The following CNTNAP2 variants were observed in gnomAD, a reference collection of about 807,000 sequenced individuals.
CNTNAP2 encodes contactin associated protein 2.
CNTNAP2 carries 98 observed loss-of-function variants against 155.2 expected under a neutral mutation model. The observed-to-expected ratio is 0.63, with a 90% CI of 0.54 to 0.75. CNTNAP2 has a LOEUF of 0.75. CNTNAP2 is among the 30% of genes least tolerant of loss of function. The pLI is 0.00. For synonymous variants in CNTNAP2, 651 were observed against 631.2 expected (o/e 1.03, Z -0.47); for missense variants, 1,727 against 1,688.1 (o/e 1.02, Z -0.40).
At chr7:147,144,366 G>A (rs564866663) in intron 8 of CNTNAP2, among the ~76,000 whole-genome samples, 10 of 152,192 alleles carry the variant, frequency 6.6e-5, no homozygotes, top group Middle Eastern at 3.4e-3. Context: ...TTGGGTTCAC[G>A]TAAGACCATA....
intron 1 of CNTNAP2, among the ~76,000 whole-genome samples, chr7:146,735,534 A>G (rs1175456680): frequency 6.6e-6 from 1 of 152,092 alleles, no homozygotes; most frequent in Admixed American, 6.6e-5. Flanking sequence ...CAGCCTGGGC[A>G]ACAGAGCAAG....
chr7:146,395,825 A>ATAGT (rs1563068417), intron 1 of CNTNAP2, among the ~76,000 whole-genome samples: 2 of 134,234 alleles, frequency 1.5e-5, no homozygotes, highest in Admixed American at 7.2e-5. Flanking sequence ...AGATAGATAG[A>ATAGT]GGAGAGAGAG....
chr7:146,848,849 T>C (rs1227155622), intron 3 of CNTNAP2, among the ~76,000 whole-genome samples: 1 of 152,222 alleles, frequency 6.6e-6, no homozygotes, highest in Non-Finnish European at 1.5e-5. Flanking sequence ...TTCAGCTCAT[T>C]GCAACCTCTG....
chr7:147,696,921 T>G (rs1796169160), intron 13 of CNTNAP2, among the ~76,000 whole-genome samples: 2 of 152,172 alleles, frequency 1.3e-5, no homozygotes, highest in Admixed American at 1.3e-4. Context: ...TATTTCAAAA[T>G]TTTTTCTTTA....
intron 12 of CNTNAP2, among the ~76,000 whole-genome samples, chr7:147,606,411 G>A (rs1193269123): frequency 3.9e-5 from 6 of 152,104 alleles, no homozygotes; most frequent in African/African-American, 9.7e-5. Flanking sequence ...TTTTAATTCC[G>A]AAATCAGAGA....
At chr7:146,170,021 T>TC (rs1422965362) in intron 1 of CNTNAP2, among the ~76,000 whole-genome samples, 4 of 147,574 alleles carry the variant, frequency 2.7e-5, no homozygotes, top group South Asian at 2.1e-4. Flanking sequence ...TTCTTTTCTT[T>TC]TTTTTTTTTT....
chr7:147,549,057 C>G (rs977765062), intron 11 of CNTNAP2, among the ~76,000 whole-genome samples: 1 of 152,058 alleles, frequency 6.6e-6, no homozygotes, highest in Non-Finnish European at 1.5e-5. Context: ...CACCTTTGTT[C>G]TTTTTACTTA....
intron 13 of CNTNAP2, among the ~76,000 whole-genome samples, chr7:147,787,046 A>C (rs1797751835): frequency 6.6e-6 from 1 of 152,132 alleles, no homozygotes; most frequent in Admixed American, 6.5e-5. Context: ...AAGACAAGAC[A>C]GTAGAAAGAT....
intron 7 of CNTNAP2, among the ~76,000 whole-genome samples, chr7:147,131,746 A>C (rs764476222): frequency 9.9e-5 from 15 of 152,060 alleles, no homozygotes; most frequent in Non-Finnish European, 1.9e-4. Context: ...ATCCAAATAT[A>C]TTTCCCTAAA....
At chr7:146,654,131 A>G (rs1024071416) in intron 1 of CNTNAP2, among the ~76,000 whole-genome samples, 3 of 151,982 alleles carry the variant, frequency 2.0e-5, no homozygotes, top group Non-Finnish European at 4.4e-5. Flanking sequence ...TTGCGAATGC[A>G]TGGGGGTAGA....
At chr7:146,938,042 G>A (rs948005134) in intron 3 of CNTNAP2, among the ~76,000 whole-genome samples, 2 of 152,178 alleles carry the variant, frequency 1.3e-5, no homozygotes, top group Non-Finnish European at 1.5e-5. Context: ...TCATGAGGTC[G>A]TTTGAACCAT....
chr7:147,294,987 GCTTA>G (rs1249687056), intron 8 of CNTNAP2, among the ~76,000 whole-genome samples: 1 of 152,088 alleles, frequency 6.6e-6, no homozygotes, highest in Non-Finnish European at 1.5e-5. Context: ...ATGTGTCTCA[GCTTA>G]CTTTTCTATG....
intron 1 of CNTNAP2, among the ~76,000 whole-genome samples, chr7:146,651,475 G>A (rs1027468143): frequency 2.0e-5 from 3 of 152,130 alleles, no homozygotes; most frequent in Admixed American, 6.6e-5. Flanking sequence ...AGGAACTTAC[G>A]TACTTTGTTA....
intron 1 of CNTNAP2, among the ~76,000 whole-genome samples, chr7:146,216,655 T>C (rs1163712923): frequency 6.6e-6 from 1 of 152,206 alleles, no homozygotes; most frequent in Non-Finnish European, 1.5e-5. Context: ...CCCATGCTTA[T>C]TGATTCTCTA....
chr7:147,711,326 C>CCATA (rs2117016090), intron 13 of CNTNAP2, among the ~76,000 whole-genome samples: 1 of 152,222 alleles, frequency 6.6e-6, no homozygotes, highest in East Asian at 1.9e-4. Context: ...TACATAAAGA[C>CCATA]CATAAGCTAA....
intron 9 of CNTNAP2, among the ~76,000 whole-genome samples, chr7:147,326,478 T>C (rs1359476736): frequency 1.3e-5 from 2 of 152,226 alleles, no homozygotes; most frequent in African/African-American, 2.4e-5. Context: ...TGTTTCACTA[T>C]TGTGAATGTA....
intron 15 of CNTNAP2, among the ~76,000 whole-genome samples, chr7:147,981,817 G>GTGT (rs758963411): frequency 1.4e-5 from 2 of 138,920 alleles, no homozygotes; most frequent in African/African-American, 5.2e-5. Flanking sequence ...GTGTGTGTGT[G>GTGT]GTTTTTTTTT....
At chr7:146,227,894 G>A (rs941187242) in intron 1 of CNTNAP2, among the ~76,000 whole-genome samples, 1 of 152,136 alleles carries the variant, frequency 6.6e-6, no homozygotes, top group Non-Finnish European at 1.5e-5. Context: ...GGGAACATTC[G>A]GTCTCAAAGC....
intron 2 of CNTNAP2, among the ~76,000 whole-genome samples, chr7:146,833,773 C>T (rs1021531137): frequency 1.7e-4 from 26 of 152,148 alleles, no homozygotes; most frequent in East Asian, 1.9e-4. Flanking sequence ...AGTCAAATGC[C>T]CAAATGCCTT....
Sources: gnomAD v4.1 joint callset for allele counts (sites outside exome capture counted in the v4.1 genomes callset) on GRCh38, gnomAD v4.1.1 for gene constraint, MANE v1.5 for transcripts, NCBI Gene and HGNC (gene_info 2026-07-23, HGNC 2026-07-21) for gene names.